Variants in SFRP1 observed in about 807,000 individuals in gnomAD.
SFRP1 encodes the protein secreted frizzled-related protein 1.
SFRP1 carries 9 observed loss-of-function variants against 25.9 expected under a neutral mutation model. The observed-to-expected ratio is 0.35, with a 90% CI of 0.21 to 0.61. SFRP1 has a LOEUF of 0.61. Ranked by LOEUF, SFRP1 falls within the 20% of genes least tolerant of loss-of-function variation. The pLI, the probability that SFRP1 is intolerant of heterozygous loss-of-function variation, is 0.78. For missense variants in SFRP1, 346 were observed against 418.2 expected (o/e 0.83, Z 1.51); for synonymous variants, 178 against 174.0 (o/e 1.02, Z -0.18).
Position 41,265,094 on chromosome 8 carries a change from C to T in SFRP1, c.*73G>A, listed in dbSNP as rs985628386. 3.6e-6 allele frequency: 4 copies of T among 1,119,102 alleles called. No homozygotes were observed. Among genetic ancestry groups the T allele is most frequent in the East Asian group, 2.6e-5 (1 of 38,670 alleles). 69.3% of individuals were successfully genotyped at this position (1,119,102 alleles called of 1,614,324 possible). On this transcript the variant is annotated 3_prime_UTR_variant, in exon 3 of 3. Coordinates refer to ENST00000220772, the MANE Select transcript of SFRP1 (RefSeq NM_003012.5). ...GGCGCAGTGCGTGTGTGTGACCCACCGGGTTCCCGGGGCACTGTCCCCCCC... is the reference window on the plus strand; with the variant it reads ...GGCGCAGTGCGTGTGTGTGACCCACTGGGTTCCCGGGGCACTGTCCCCCCC...
At position 41,308,610 on chromosome 8, in the gene SFRP1, C is replaced by G; in HGVS notation, c.544+6G>C. ...GGCTCGCGCACGTGGGAGGAGGCAG[C>G]CTTACCTTGGGGCTTGGAGGCTTCG... On this transcript the variant is annotated splice_donor_region_variant and intron_variant, in intron 1 of 2. Coordinates refer to ENST00000220772, the MANE Select transcript of SFRP1 (RefSeq NM_003012.5). 1 of 1,580,380 alleles carries G rather than the reference C, an allele frequency of 6.3e-7. No homozygotes were observed. Among genetic ancestry groups the G allele is most frequent in the Non-Finnish European group, 8.6e-7 (1 of 1,158,082 alleles).
At chr8:41,271,892 G>A (rs1803513707) in intron 2 of SFRP1, among the ~76,000 whole-genome samples, 1 of 152,094 alleles carries the variant, frequency 6.6e-6, no homozygotes, top group African/African-American at 2.4e-5. Context: ...TGAGTCTGGG[G>A]AGATTGAGGC....
In SFRP1 at chr8:41,294,324, T is replaced by C. The variant is rs536013877; in HGVS notation, c.622+9137A>G. 5.9e-5 allele frequency among the ~76,000 whole-genome samples: 9 copies of C among 152,236 alleles called. No individual in the cohort carries two copies. The South Asian group carries it at 1.9e-3, about 32-fold the overall frequency. ...CATTCCCCAAAGCTGAATGCATCCA[T>C]TGCGGAAGACACCGACGTGGAAAAT... On this transcript the variant is annotated intron_variant, in intron 2 of 2. Transcript: ENST00000220772.
chr8:41,280,882 G>T (rs369349609), intron 2 of SFRP1, among the ~76,000 whole-genome samples: 2 of 152,280 alleles, frequency 1.3e-5, no homozygotes, highest in East Asian at 1.9e-4. Flanking sequence ...TCCCAGAAGC[G>T]TTCCTAGCAT....
At chr8:41,269,079 T>C (rs1477515592) in intron 2 of SFRP1, among the ~76,000 whole-genome samples, 2 of 152,184 alleles carry the variant, frequency 1.3e-5, no homozygotes, top group African/African-American at 4.8e-5. Flanking sequence ...TGGGTACTTC[T>C]GGGAGACAGC....
Position 41,276,113 on chromosome 8 carries a change from G to A in SFRP1, c.623-10624C>T, listed in dbSNP as rs191760647. On this transcript the variant is annotated intron_variant, in intron 2 of 2. Transcript: ENST00000220772. ...AAGGCCCACAGACGGGCACCCCAAT[G>A]CACCAGTCGCATGGGCCTGCTCCAC... Among the ~76,000 whole-genome samples, 369 of 152,240 alleles carry A rather than the reference G, an allele frequency of 2.4e-3. 3 individuals are homozygous for A. Among genetic ancestry groups the A allele is most frequent in the Admixed American group, 0.022 (343 of 15,292 alleles).
In SFRP1 at chr8:41,265,424, T is replaced by A; in HGVS notation, c.688A>T (p.Lys230Ter). The change falls in exon 3 of 3, where the codon AAG becomes TAG. Residue 230 changes from lysine (K) to a stop codon, truncating the protein, a stop_gained. Coordinates refer to ENST00000220772, the MANE Select transcript of SFRP1 (RefSeq NM_003012.5). LOFTEE classifies it high-confidence loss of function. ...ATGGGCCCCAACTTCAGGGGCTTCT[T>A]CTTCTTGGGGACAATCTTCTTGTCG... ...NGDKKIVPKK[K>*]KPLKLGPIKK... 1 of 1,612,878 alleles carries A rather than the reference T, an allele frequency of 6.2e-7. No individual in the cohort carries two copies. The highest frequency in any genetic ancestry group is 8.5e-7 in the Non-Finnish European group (1 of 1,179,850).
intron 2 of SFRP1, among the ~76,000 whole-genome samples, chr8:41,280,774 C>A (rs1803625829): frequency 1.3e-5 from 2 of 152,128 alleles, no homozygotes; most frequent in South Asian, 4.1e-4. Context: ...TAGAGGAGAC[C>A]ACAGAAGGCT....
intron 2 of SFRP1, chr8:41,275,150 G>A (rs935372056): frequency 2.9e-5 from 13 of 446,162 alleles, no homozygotes; most frequent in Admixed American, 7.4e-5. Flanking sequence ...TGGTTCAACC[G>A]ATGCTCAAAA....
intron 2 of SFRP1, among the ~76,000 whole-genome samples, chr8:41,273,187 T>A (rs1282439620): frequency 6.6e-6 from 1 of 152,214 alleles, no homozygotes; most frequent in Non-Finnish European, 1.5e-5. Flanking sequence ...AGAATTTTTT[T>A]AATTTATAAA....
intron 2 of SFRP1, among the ~76,000 whole-genome samples, chr8:41,284,104 A>G (rs1177098839): frequency 4.6e-5 from 7 of 152,176 alleles, no homozygotes; most frequent in Non-Finnish European, 1.0e-4. Flanking sequence ...GCACATCTAG[A>G]GTGGCTGACA....
chr8:41,279,194 A>T (rs908199309), intron 2 of SFRP1, among the ~76,000 whole-genome samples: 1 of 152,086 alleles, frequency 6.6e-6, no homozygotes, highest in Non-Finnish European at 1.5e-5. Context: ...GGGCTCAGCT[A>T]AACACACGTG....
At chr8:41,272,371 A>T (rs1014490985) in intron 2 of SFRP1, among the ~76,000 whole-genome samples, 5 of 152,154 alleles carry the variant, frequency 3.3e-5, no homozygotes, top group Non-Finnish European at 5.9e-5. Flanking sequence ...TTGGGAGGCC[A>T]AGGCAGGTGG....
In SFRP1 at chr8:41,309,267, C is replaced by T; in HGVS notation, c.-108G>A. ...ACCTCCGGGGACAAAAGGCGCAGTC[C>T]CCAGCGTTGCCCGGCTCCGCGGCCG... is the stretch of plus-strand genomic sequence containing the variant. On this transcript the variant is annotated 5_prime_UTR_variant, in exon 1 of 3. Transcript: ENST00000220772. 1 of 1,171,660 alleles carries T rather than the reference C, an allele frequency of 8.5e-7. No individual in the cohort carries two copies. The highest frequency in any genetic ancestry group is 1.1e-6 in the Non-Finnish European group (1 of 939,400). 72.6% of individuals were successfully genotyped at this position (1,171,660 alleles called of 1,614,324 possible).
At chr8:41,303,353 G>A in intron 2 of SFRP1, 108 bp downstream of exon 2, 1 of 803,632 alleles carries the variant, frequency 1.2e-6, no homozygotes, top group Non-Finnish European at 2.2e-6. Context: ...GAATGAGGTA[G>A]AGAATATGGA....
chr8:41,306,713 G>A (rs1804002208), intron 1 of SFRP1: 1 of 1,597,482 alleles, frequency 6.3e-7, no homozygotes, highest in South Asian at 1.1e-5. Flanking sequence ...GTCTTGGGAG[G>A]GTGACTACCT....
At position 41,265,196 on chromosome 8, in the gene SFRP1, A is replaced by C; in HGVS notation, c.916T>G (p.Cys306Gly). The change falls in exon 3 of 3, where the codon TGC becomes GGC. Residue 306 changes from cysteine (C) to glycine (G), a missense_variant. Transcript: ENST00000220772. Reference protein sequence around the residue: ...NFMKKMKNHECPTFQSVFK With the variant: ...NFMKKMKNHEGPTFQSVFK ...TTAAACACGGACTGAAAGGTGGGGC[A>C]CTCATGGTTTTTCATTTTCTTCATG... 7.5e-7 allele frequency: 1 copy of C among 1,328,224 alleles called. No individual in the cohort carries two copies. The highest frequency in any genetic ancestry group is 1.0e-6 in the Non-Finnish European group (1 of 1,003,728). The allele number at this position is 1,328,224 out of a possible 1,614,324, so 82.3% of individuals were successfully genotyped here. A position where few individuals can be genotyped will look rare whatever the true frequency, so the allele number is the denominator to read the frequency against.
intron 2 of SFRP1, among the ~76,000 whole-genome samples, chr8:41,299,666 A>AAAC (rs1216506804): frequency 6.7e-6 from 1 of 148,302 alleles, no homozygotes. Flanking sequence ...TAGTCTCAAA[A>AAAC]AAAAAAAAAA....
intron 1 of SFRP1, among the ~76,000 whole-genome samples, chr8:41,305,530 G>A (rs1361476438): frequency 6.6e-6 from 1 of 152,234 alleles, no homozygotes; most frequent in African/African-American, 2.4e-5. Flanking sequence ...AAAGAGAAAT[G>A]TGTGATGCGG....
Sources: allele counts gnomAD v4.1 joint callset (sites outside exome capture counted in the v4.1 genomes callset), GRCh38; gene constraint gnomAD v4.1.1; transcripts MANE v1.5; gene names NCBI Gene and HGNC (gene_info 2026-07-23, HGNC 2026-07-21).